WDR81: variants seen among roughly 807,000 people sequenced by gnomAD.
The protein encoded by WDR81 is WD repeat domain 81.
In WDR81, 92 loss-of-function variants were observed where a neutral mutation model predicts 140.8. The observed-to-expected ratio is 0.65, with a 90% CI of 0.55 to 0.78. WDR81 has a LOEUF of 0.78. Among genes scored for constraint, WDR81 ranks in the 30% least tolerant of loss-of-function variants. The probability of loss-of-function intolerance (pLI) is 0.00; values close to 1 mark genes in which losing one functional copy is unlikely to be tolerated. For missense variants in WDR81, 2,502 were observed against 2,636.4 expected (o/e 0.95, Z 1.12); for synonymous variants, 1,183 against 1,156.4 (o/e 1.02, Z -0.47).
In WDR81 at chr17:1,725,031, C is replaced by A; in HGVS notation, c.72C>A (p.Ser24Arg). Residue 24 changes from serine (S) to arginine (R), a missense_variant, in exon 1 of 10, where the codon AGC (serine) becomes AGA (arginine). Coordinates refer to ENST00000409644, the MANE Select transcript of WDR81 (RefSeq NM_001163809.2). ...TPAGGWHSPP[S>R]PDMQELLRSV... is the part of the protein sequence containing the mutation. ...CCGGGGGCTGGCATTCCCCGCCAAG[C>A]CCAGACATGCAGGAGCTGCTCCGGA... 4 of 1,472,550 alleles carry A rather than the reference C, an allele frequency of 2.7e-6. No homozygotes were observed. Among genetic ancestry groups the A allele is most frequent in the Non-Finnish European group, 2.7e-6 (3 of 1,114,442 alleles). 91.2% of individuals were successfully genotyped at this position (1,472,550 alleles called of 1,614,324 possible). A position where few individuals can be genotyped will look rare whatever the true frequency, so the allele number is the denominator to read the frequency against.
intron 1 of WDR81, among the ~76,000 whole-genome samples, chr17:1,718,708 T>C (rs909537560): frequency 3.3e-5 from 5 of 152,172 alleles, no homozygotes; most frequent in Non-Finnish European, 5.9e-5. Flanking sequence ...CGTGGAGAAA[T>C]TGAGCAGGGC....
At chr17:1,723,525 G>A (rs981480970), upstream of WDR81, among the ~76,000 whole-genome samples, 1 of 142,340 alleles carries the variant, frequency 7.0e-6, no homozygotes, top group African/African-American at 2.6e-5. Context: ...TCGCTCTGTT[G>A]CCCAGGTTGG....
In WDR81 at chr17:1,726,636, C is replaced by T. The variant is rs566298166; in HGVS notation, c.1677C>T (p.Val559=). The T allele has an allele frequency of 1.3e-6, 2 of 1,550,288 alleles. No homozygotes were observed. The highest frequency in any genetic ancestry group is 2.0e-5 in the Admixed American group (1 of 51,002). Residue 559 remains valine (V), a synonymous_variant, in exon 1 of 10, where the codon GTC becomes GTT. Coordinates refer to ENST00000409644, the MANE Select transcript of WDR81 (RefSeq NM_001163809.2). ...ATAAACTCCAGGGTAAGGAGGCTGTCAAGGAAAAGAATGTGTGTCTGCACC... is the reference window on the plus strand; with the variant it reads ...ATAAACTCCAGGGTAAGGAGGCTGTTAAGGAAAAGAATGTGTGTCTGCACC... ...FGYKLQGKEA[V]KEKNVCLHLV...
Position 1,727,278 on chromosome 17 carries a change from G to C in WDR81, c.2319G>C (p.Ala773=). The change falls in exon 1 of 10, where the codon GCG becomes GCC. Residue 773 remains alanine (A), a synonymous_variant. Transcript: ENST00000409644. ...GCCTACTCCACAGGGACATGCAGGC[G>C]CTGGGTGTCCTATTGGCAGAGATGG... The part of the protein sequence containing the change: ...LQCLLHRDMQ[A]LGVLLAEMVF... 1 of 1,550,228 alleles carries C rather than the reference G, an allele frequency of 6.5e-7. No homozygotes were observed. Among genetic ancestry groups the C allele is most frequent in the Non-Finnish European group, 8.7e-7 (1 of 1,146,966 alleles).
At chr17:1,720,138 C>T (rs1914785745), upstream of WDR81, among the ~76,000 whole-genome samples, 2 of 152,188 alleles carry the variant, frequency 1.3e-5, no homozygotes, top group Admixed American at 6.5e-5. Flanking sequence ...TACTTTTCTC[C>T]CTGCCGGATT....
chr17:1,728,152 C>T lies in WDR81; in HGVS notation c.3193C>T (p.Pro1065Ser). The T allele has an allele frequency of 6.2e-7, 1 of 1,606,914 alleles. No homozygotes were observed. The highest frequency in any genetic ancestry group is 8.5e-7 in the Non-Finnish European group (1 of 1,175,660). Reference sequence around the variant, plus strand: ...TCCTGCCTCCTCGGGCCTGGGGCTCCCAGACTACACGTCTGGCGTCAGCTT... The same window carrying T: ...TCCTGCCTCCTCGGGCCTGGGGCTCTCAGACTACACGTCTGGCGTCAGCTT... ...EPPASSGLGL[P>S]DYTSGVSFHD... The change falls in exon 1 of 10, where the codon CCA (proline) becomes TCA (serine). Residue 1065 changes from proline (P) to serine (S), a missense_variant. Transcript: ENST00000409644.
chr17:1,736,321 C>G (rs992512088), intron 9 of WDR81, 103 bp downstream of exon 9: 1 of 1,370,996 alleles, frequency 7.3e-7, no homozygotes, highest in Non-Finnish European at 9.8e-7. Flanking sequence ...TCGAACTGGT[C>G]TGTCTTATAT....
In WDR81 at chr17:1,727,414, C is replaced by G; in HGVS notation, c.2455C>G (p.Gln819Glu). ...CCCCAAGGAGGTCCCTGTGTCTTTG[C>G]AGCCCGTGCTGGACACACTCCTGCA... ...RHPKEVPVSL[Q>E]PVLDTLLQMS... Residue 819 changes from glutamine (Q) to glutamate (E), a missense_variant, in exon 1 of 10, where the codon CAG becomes GAG. By Grantham distance (29) the Gln-to-Glu change is conservative. Transcript: ENST00000409644. 6.5e-7 allele frequency: 1 copy of G among 1,550,372 alleles called. No homozygotes were observed.
chr17:1,718,415 C>T (rs1428554382), intron 1 of WDR81, among the ~76,000 whole-genome samples: 3 of 152,236 alleles, frequency 2.0e-5, no homozygotes, highest in Non-Finnish European at 4.4e-5. Flanking sequence ...CCACCGCGCC[C>T]GGCCGCATTC....
chr17:1,732,533 G>C (rs1282339207), intron 5 of WDR81, 43 bp downstream of exon 5: 2 of 1,598,906 alleles, frequency 1.3e-6, no homozygotes, highest in African/African-American at 2.7e-5. Context: ...GGCGGGGGCT[G>C]TGGACCTGGG....
intron 7 of WDR81, 76 bp downstream of exon 7, chr17:1,734,292 G>A (rs1416332506): frequency 6.9e-7 from 1 of 1,444,376 alleles, no homozygotes; most frequent in African/African-American, 1.4e-5. Flanking sequence ...GGGCCCGAGG[G>A]TGGGGCTGTA....
chr17:1,730,942 C>G lies in WDR81; in HGVS notation c.3963C>G (p.Tyr1321Ter). 6.2e-7 allele frequency: 1 copy of G among 1,612,818 alleles called. No homozygotes were observed. Among genetic ancestry groups the G allele is most frequent in the African/African-American group, 1.3e-5 (1 of 75,034 alleles). The part of the protein sequence containing the change: ...LTYQYLPYIS[Y>*]LVAPGSASGP... Reference sequence around the variant, plus strand: ...ACCAGTACCTGCCCTACATCAGCTACCTGGTCAGTCGCTGGTTTGGCAGGC... The same window carrying G: ...ACCAGTACCTGCCCTACATCAGCTAGCTGGTCAGTCGCTGGTTTGGCAGGC... Residue 1321 changes from tyrosine to a stop codon, truncating the protein, a stop_gained, in exon 3 of 10, where the codon TAC becomes TAG. Transcript: ENST00000409644. LOFTEE classifies it high-confidence loss of function.
chr17:1,720,173 T>G (rs1914788164), upstream of WDR81, among the ~76,000 whole-genome samples: 1 of 152,196 alleles, frequency 6.6e-6, no homozygotes, highest in African/African-American at 2.4e-5. Flanking sequence ...CCGCTCAACA[T>G]GGGCTGACTG....
At chr17:1,730,111 T>C (rs1915583423) in intron 1 of WDR81, among the ~76,000 whole-genome samples, 1 of 151,880 alleles carries the variant, frequency 6.6e-6, no homozygotes. Flanking sequence ...CCAGGCCTTG[T>C]TAAGGAGTTT....
exon 1 of WDR81, chr17:1,716,572 A>T: frequency 6.4e-7 from 1 of 1,551,564 alleles, no homozygotes; most frequent in Non-Finnish European, 8.7e-7. Context: ...TGCGTTTGCA[A>T]TGCATGCTGG....
At chr17:1,718,060 G>T (rs988269255) in intron 1 of WDR81, among the ~76,000 whole-genome samples, 1 of 152,078 alleles carries the variant, frequency 6.6e-6, no homozygotes, top group Non-Finnish European at 1.5e-5. Context: ...TCCATGGACA[G>T]GTGTCTGCTG....
Position 1,734,138 on chromosome 17 carries a change from T to G in WDR81, c.5101T>G (p.Phe1701Val). 3 of 1,599,424 alleles carry G rather than the reference T, an allele frequency of 1.9e-6. No homozygotes were observed. The highest frequency in any genetic ancestry group is 1.1e-5 in the South Asian group (1 of 91,054). Residue 1701 changes from phenylalanine to valine, a missense_variant, in exon 7 of 10, where the codon TTC (phenylalanine) becomes GTC (valine). Coordinates refer to ENST00000409644, the MANE Select transcript of WDR81 (RefSeq NM_001163809.2). ...CTACACCCAGCACCGCAAGAGCGTC[T>G]TCTTCGTGGGCCAGCTTGAGGCCCC... ...LVYTQHRKSV[F>V]FVGQLEAPQH...
intron 1 of WDR81, among the ~76,000 whole-genome samples, chr17:1,717,919 C>T (rs1324936795): frequency 6.6e-6 from 1 of 152,104 alleles, no homozygotes; most frequent in Non-Finnish European, 1.5e-5. Context: ...GTGGCTGGCG[C>T]TGGGGAGGGT....
chr17:1,730,329 G>A (rs570867728), intron 1 of WDR81, 51 bp from the exon 2 acceptor site: 1 of 1,478,554 alleles, frequency 6.8e-7, no homozygotes, highest in Non-Finnish European at 9.2e-7. Context: ...GGTGGGAGGG[G>A]TGATGAGCCC....
Sources: allele counts gnomAD v4.1 joint callset (sites outside exome capture counted in the v4.1 genomes callset), GRCh38; gene constraint gnomAD v4.1.1; transcripts MANE v1.5; gene names NCBI Gene and HGNC (gene_info 2026-07-23, HGNC 2026-07-21).